Variants in TCF7 observed in about 807,000 individuals in gnomAD.
The protein encoded by TCF7 is T-cell-factor-7.
Under a neutral mutation model 46.8 loss-of-function variants are expected in TCF7, and 19 were observed. That is an observed-to-expected ratio of 0.41 (90% CI 0.28 to 0.60). TCF7 has a LOEUF of 0.60. Ranked by LOEUF, TCF7 falls within the 20% of genes least tolerant of loss-of-function variation. TCF7 has a pLI of 0.35. For synonymous variants in TCF7, 245 were observed against 213.4 expected, an observed-to-expected ratio of 1.15 and a Z score of -1.29; for missense variants, 547 against 504.6, an observed-to-expected ratio of 1.08 and a Z score of -0.81.
intron 3 of TCF7, among the ~76,000 whole-genome samples, chr5:134,129,926 G>A (rs917651866): frequency 5.9e-5 from 9 of 152,268 alleles, no homozygotes; most frequent in Admixed American, 1.3e-4. Flanking sequence ...CTTGGTCCAG[G>A]AGGGTGTGGC....
intron 3 of TCF7, among the ~76,000 whole-genome samples, chr5:134,136,344 A>G (rs1191985520): frequency 1.3e-5 from 2 of 152,080 alleles, no homozygotes; most frequent in African/African-American, 4.8e-5. Flanking sequence ...CTAGCCACCT[A>G]TAGGGACATC....
intron 3 of TCF7, among the ~76,000 whole-genome samples, chr5:134,137,425 C>CAAAAAAAAAAAAAAAAAAAAAAAAAAA (rs752883165): frequency 1.8e-5 from 1 of 56,572 alleles, no homozygotes; most frequent in Non-Finnish European, 4.0e-5. Flanking sequence ...GACTCTGTCT[C>CAAAAAAAAAAAAAAAAAAAAAAAAAAA]AAAAAAAAAA....
chr5:134,113,707 C>T (rs1467240966), upstream of TCF7, among the ~76,000 whole-genome samples: 2 of 152,236 alleles, frequency 1.3e-5, no homozygotes, highest in East Asian at 1.9e-4. Flanking sequence ...CCCGCGTGGA[C>T]GCAGACCCGG....
chr5:134,145,731 A>T, intron 9 of TCF7: 1 of 1,613,884 alleles, frequency 6.2e-7, no homozygotes, highest in Non-Finnish European at 8.5e-7. Context: ...TATTCCATTC[A>T]TTCCATCAGA....
intron 5 of TCF7, chr5:134,139,587 A>T (rs1347704908): frequency 6.5e-6 from 1 of 153,778 alleles, no homozygotes; most frequent in Non-Finnish European, 1.5e-5. Context: ...AGGCTGGACC[A>T]GGAAAAGGAA....
At chr5:134,138,299 A>G in intron 4 of TCF7, 135 bp downstream of exon 4, 2 of 723,648 alleles carry the variant, frequency 2.8e-6, no homozygotes, top group Non-Finnish European at 4.6e-6. Context: ...GCCCAAAGAA[A>G]ATACCAGAAA....
chr5:134,108,287 C>A, the TCF7 span, among the ~76,000 whole-genome samples: 4 of 152,200 alleles, frequency 2.6e-5, no homozygotes, highest in Admixed American at 2.6e-4. Flanking sequence ...TATGCAACAG[C>A]CCCATCCCCT....
intron 3 of TCF7, among the ~76,000 whole-genome samples, chr5:134,133,614 G>A (rs1022695116): frequency 1.3e-5 from 2 of 152,076 alleles, no homozygotes; most frequent in African/African-American, 4.8e-5. Flanking sequence ...ACCACCGGGC[G>A]CAAAGCGGGC....
At chr5:134,113,222 C>T (rs1199322576), upstream of TCF7, among the ~76,000 whole-genome samples, 1 of 152,242 alleles carries the variant, frequency 6.6e-6, no homozygotes, top group Non-Finnish European at 1.5e-5. Flanking sequence ...CCCTCATCTC[C>T]ATCACCAAGC....
At chr5:134,142,399 G>C in intron 6 of TCF7, 95 bp downstream of exon 6, 1 of 1,277,708 alleles carries the variant, frequency 7.8e-7, no homozygotes, top group South Asian at 1.8e-5. Context: ...CCCTGCCTAA[G>C]CTGTTTCGTG....
chr5:134,109,104 T>A, the TCF7 span, among the ~76,000 whole-genome samples: 1 of 145,462 alleles, frequency 6.9e-6, no homozygotes, highest in Non-Finnish European at 1.5e-5. Context: ...ACTTCCTGGA[T>A]TCTAAGTGAT....
chr5:134,139,331 A>C (rs1251944109), intron 5 of TCF7: 1 of 414,594 alleles, frequency 2.4e-6, no homozygotes, highest in Non-Finnish European at 4.4e-6. Context: ...CTTAGATGGG[A>C]GAACTCTGGG....
rs1250059991 is a variant in TCF7 at position 134,115,889 on chromosome 5, C to T, written c.317-20C>T. 1.2e-6 allele frequency: 2 copies of T among 1,613,760 alleles called. No individual in the cohort carries two copies. Among genetic ancestry groups the T allele is most frequent in the African/African-American group, 1.3e-5 (1 of 75,070 alleles). On this transcript the variant is annotated intron_variant, in intron 2 of 9. Transcript: ENST00000342854. ...CCGCTGCCAGGGCTGGTGTGTCTGA[C>T]CCAGCTGTGGTTTTTCCAGGCCTGA... is the stretch of plus-strand genomic sequence containing the variant.
intron 3 of TCF7, among the ~76,000 whole-genome samples, chr5:134,131,429 G>T (rs1285338163): frequency 6.6e-6 from 1 of 152,206 alleles, no homozygotes; most frequent in Non-Finnish European, 1.5e-5. Context: ...CTTTCTGTCT[G>T]GTCAGCCTCT....
upstream of TCF7, among the ~76,000 whole-genome samples, chr5:134,112,201 C>T (rs1045199429): frequency 2.2e-4 from 33 of 152,208 alleles, no homozygotes; most frequent in African/African-American, 7.2e-4. Context: ...AGGAAGCCAC[C>T]CTGACTACTC....
chr5:134,113,524 G>C (rs1433832544), upstream of TCF7, among the ~76,000 whole-genome samples: 1 of 152,200 alleles, frequency 6.6e-6, no homozygotes, highest in Non-Finnish European at 1.5e-5. Flanking sequence ...TCCAATACCC[G>C]GCCCTCCCCC....
intron 3 of TCF7, among the ~76,000 whole-genome samples, chr5:134,118,569 AC>A (rs1421133777): frequency 6.6e-6 from 1 of 150,508 alleles, no homozygotes; most frequent in Non-Finnish European, 1.5e-5. Flanking sequence ...CTGAATGACC[AC>A]CCCACAGCCA....
chr5:134,142,941 G>A (rs1046066384), intron 7 of TCF7, 52 bp from the exon 8 acceptor site: 4 of 1,612,222 alleles, frequency 2.5e-6, no homozygotes, highest in Non-Finnish European at 3.4e-6. Flanking sequence ...TCAGCCTGGT[G>A]CAGCCTGCTG....
At chr5:134,145,340 G>C (rs1444123177) in intron 9 of TCF7, 2 of 542,582 alleles carry the variant, frequency 3.7e-6, no homozygotes, top group South Asian at 2.8e-5. Context: ...CTGGTTGCCA[G>C]GTAGCCTTAT....
Sources: gnomAD v4.1 joint callset for allele counts (sites outside exome capture counted in the v4.1 genomes callset) on GRCh38, gnomAD v4.1.1 for gene constraint, MANE v1.5 for transcripts, NCBI Gene and HGNC (gene_info 2026-07-23, HGNC 2026-07-21) for gene names.